Variants in OCA2 observed in about 807,000 individuals in gnomAD.
OCA2 encodes the protein P protein.
Under a neutral mutation model 100.2 loss-of-function variants are expected in OCA2, and 77 were observed. That is an observed-to-expected ratio of 0.77 (90% confidence interval 0.64 to 0.93). The LOEUF (loss-of-function observed/expected upper bound fraction) is 0.93, where lower values mean the gene tolerates loss of function less well. OCA2 is among the 40% of genes least tolerant of loss of function. The pLI is 0.00. For missense variants in OCA2, 1,062 were observed against 1,089.1 expected, an observed-to-expected ratio of 0.98 and a Z score of 0.35; for synonymous variants, 432 against 439.2, an observed-to-expected ratio of 0.98 and a Z score of 0.21.
chr15:27,939,963 G>C (rs1211495163), intron 18 of OCA2, among the ~76,000 whole-genome samples: 2 of 152,218 alleles, frequency 1.3e-5, no homozygotes, highest in Non-Finnish European at 2.9e-5. Flanking sequence ...CAACTGCAGT[G>C]AGCTGCATTC....
chr15:27,826,490 A>G (rs577796963), intron 23 of OCA2, among the ~76,000 whole-genome samples: 1 of 152,244 alleles, frequency 6.6e-6, no homozygotes, highest in South Asian at 2.1e-4. Flanking sequence ...CTCTGTGTAG[A>G]CGGAACCCAG....
intron 9 of OCA2, among the ~76,000 whole-genome samples, chr15:28,010,013 G>T (rs2042197477): frequency 6.6e-6 from 1 of 151,892 alleles, no homozygotes; most frequent in South Asian, 2.1e-4. Flanking sequence ...TAGAAAGGAA[G>T]GATTTATTCC....
chr15:27,916,676 T>C (rs2140305247), intron 19 of OCA2, among the ~76,000 whole-genome samples: 1 of 152,334 alleles, frequency 6.6e-6, no homozygotes, highest in Middle Eastern at 3.4e-3. Context: ...ACAGTTTTCA[T>C]TGTACCAACT....
intron 9 of OCA2, among the ~76,000 whole-genome samples, chr15:28,006,013 G>A (rs916059734): frequency 6.6e-6 from 1 of 152,146 alleles, no homozygotes; most frequent in African/African-American, 2.4e-5. Flanking sequence ...CTGGCCAGCT[G>A]GGGAACTTTG....
the OCA2 span, among the ~76,000 whole-genome samples, chr15:27,726,407 A>G: frequency 0.077 from 11,762 of 152,166 alleles, 1,541 homozygotes; most frequent in African/African-American, 0.27. Context: ...TAAAAAAGAA[A>G]TGGTTTAAAA....
At chr15:27,837,618 G>T (rs2035201050) in intron 23 of OCA2, among the ~76,000 whole-genome samples, 1 of 152,146 alleles carries the variant, frequency 6.6e-6, no homozygotes, top group East Asian at 1.9e-4. Context: ...ACAGCCAGAA[G>T]TAGGAAGGCC....
At chr15:27,720,217 A>C in the OCA2 span, among the ~76,000 whole-genome samples, 1 of 152,076 alleles carries the variant, frequency 6.6e-6, no homozygotes, top group South Asian at 2.1e-4. Flanking sequence ...TAAAAATCCA[A>C]ACGTCCATTA....
At chr15:27,763,448 C>T (rs2151000173) in intron 23 of OCA2, among the ~76,000 whole-genome samples, 1 of 152,162 alleles carries the variant, frequency 6.6e-6, no homozygotes, top group East Asian at 1.9e-4. Flanking sequence ...CTCAGTGGTA[C>T]AAACACTAAA....
the OCA2 span, among the ~76,000 whole-genome samples, chr15:27,730,732 AATATATATATATATATATATAT>A: frequency 0.032 from 3,293 of 101,990 alleles, 119 homozygotes; most frequent in African/African-American, 0.072. Context: ...AAAAAGACCA[AATATATATATATATATATATAT>A]ATATATATAT....
intron 11 of OCA2, among the ~76,000 whole-genome samples, chr15:27,987,659 G>A (rs895296737): frequency 1.3e-5 from 2 of 151,958 alleles, no homozygotes; most frequent in African/African-American, 2.4e-5. Context: ...AACCCAGGAC[G>A]GGGAGCTTGC....
the OCA2 span, among the ~76,000 whole-genome samples, chr15:27,748,330 A>C: frequency 6.6e-6 from 1 of 152,104 alleles, no homozygotes. Context: ...CCTCAAAACA[A>C]ATGAGCAAGT....
chr15:27,998,322 A>G (rs2041815386), intron 9 of OCA2, among the ~76,000 whole-genome samples: 2 of 89,098 alleles, frequency 2.2e-5, no homozygotes, highest in South Asian at 5.2e-4. Flanking sequence ...TAGTATCCAG[A>G]ATCTACAATG....
intron 23 of OCA2, among the ~76,000 whole-genome samples, chr15:27,829,333 G>T (rs940715949): frequency 6.6e-5 from 7 of 106,556 alleles, no homozygotes; most frequent in Non-Finnish European, 1.0e-4. Flanking sequence ...CAGAACAAAT[G>T]AAAGATACTT....
chr15:28,066,631 T>C (rs2044033462), intron 2 of OCA2, among the ~76,000 whole-genome samples: 1 of 152,170 alleles, frequency 6.6e-6, no homozygotes, highest in South Asian at 2.1e-4. Context: ...TATATTTCTT[T>C]GACACATTTT....
At chr15:27,809,620 C>G (rs2033995828) in intron 23 of OCA2, among the ~76,000 whole-genome samples, 1 of 152,156 alleles carries the variant, frequency 6.6e-6, no homozygotes, top group African/African-American at 2.4e-5. Flanking sequence ...CTAGAAAACC[C>G]TAAAGACTCC....
chr15:28,062,125 C>T (rs79503560), intron 2 of OCA2, among the ~76,000 whole-genome samples: 2 of 152,212 alleles, frequency 1.3e-5, no homozygotes, highest in Non-Finnish European at 2.9e-5. Context: ...CCATGCTGAA[C>T]AGTTTGAGGA....
chr15:27,908,169 AAAT>A (rs1207933154), intron 19 of OCA2, among the ~76,000 whole-genome samples: 2 of 152,202 alleles, frequency 1.3e-5, no homozygotes, highest in Non-Finnish European at 2.9e-5. Context: ...CACATTAAGA[AAAT>A]AATAAATCAT....
At chr15:27,822,474 G>A (rs925664552) in intron 23 of OCA2, among the ~76,000 whole-genome samples, 4 of 152,184 alleles carry the variant, frequency 2.6e-5, no homozygotes, top group African/African-American at 7.2e-5. Context: ...TCATGCAAAT[G>A]AATCTTTCAG....
intron 18 of OCA2, among the ~76,000 whole-genome samples, chr15:27,939,790 G>A (rs945551813): frequency 2.6e-5 from 4 of 152,196 alleles, no homozygotes; most frequent in African/African-American, 9.7e-5. Flanking sequence ...CAAAAATAAC[G>A]AATCAACAAG....
Sources: allele counts gnomAD v4.1 joint callset (sites outside exome capture counted in the v4.1 genomes callset), GRCh38; gene constraint gnomAD v4.1.1; transcripts MANE v1.5; gene names NCBI Gene and HGNC (gene_info 2026-07-23, HGNC 2026-07-21).